Variants in DISP1 observed in about 807,000 individuals in gnomAD.
The protein encoded by DISP1 is protein dispatched homolog 1.
Under a neutral mutation model 37.3 loss-of-function variants are expected in DISP1, and 30 were observed. That is an observed-to-expected ratio of 0.80 (90% CI 0.60 to 1.09). DISP1 has a LOEUF of 1.09. Ranked by LOEUF, DISP1 falls within the 50% of genes least tolerant of loss-of-function variation. The probability of loss-of-function intolerance (pLI) is 0.00; values close to 1 mark genes in which losing one functional copy is unlikely to be tolerated. For missense variants in DISP1, 1,598 were observed against 1,879.5 expected, an observed-to-expected ratio of 0.85 and a Z score of 2.77; for synonymous variants, 634 against 690.2, an observed-to-expected ratio of 0.92 and a Z score of 1.28.
chr1:222,927,172 C>T lies in DISP1; in HGVS notation c.-158-1258C>T, dbSNP rs76484049. Among the ~76,000 whole-genome samples the T allele has an allele frequency of 2.1e-4, 31 of 149,724 alleles. 2 individuals carry two copies. The East Asian group carries it at 6.1e-3, about 29-fold the overall frequency. On this transcript the variant is annotated intron_variant, in intron 1 of 8. Transcript: ENST00000675850. ...TTCCCGCTAGCAGTGTTTAAGGATT[C>T]CAATTTCTCCATGTCCTTGACAACA...
intron 1 of DISP1, among the ~76,000 whole-genome samples, chr1:222,849,162 A>G (rs1464461964): frequency 6.6e-6 from 1 of 152,196 alleles, no homozygotes; most frequent in East Asian, 1.9e-4. Context: ...GACTACCATC[A>G]GGTAGTTAAT....
chr1:222,903,636 C>T (rs770490581), intron 1 of DISP1, among the ~76,000 whole-genome samples: 1 of 152,008 alleles, frequency 6.6e-6, no homozygotes, highest in Non-Finnish European at 1.5e-5. Flanking sequence ...TGCAGACTGT[C>T]TTTAAAGAGC....
chr1:222,827,004 C>T (rs1325322683), intron 1 of DISP1, among the ~76,000 whole-genome samples: 1 of 152,108 alleles, frequency 6.6e-6, no homozygotes. Context: ...TTTTCCATTT[C>T]TATTCTAATA....
intron 3 of DISP1, among the ~76,000 whole-genome samples, chr1:222,974,966 C>G (rs1467994074): frequency 6.6e-6 from 1 of 152,162 alleles, no homozygotes; most frequent in Non-Finnish European, 1.5e-5. Context: ...TAGCCTTTCA[C>G]AGAAAGACAG....
intron 1 of DISP1, among the ~76,000 whole-genome samples, chr1:222,824,393 C>T (rs1345719365): frequency 1.3e-5 from 2 of 152,040 alleles, no homozygotes; most frequent in Non-Finnish European, 2.9e-5. Flanking sequence ...GCTTGTGCTA[C>T]CTGTAAATGG....
intron 8 of DISP1, among the ~76,000 whole-genome samples, chr1:222,995,982 G>A (rs890224254): frequency 6.6e-6 from 1 of 152,118 alleles, no homozygotes; most frequent in African/African-American, 2.4e-5. Context: ...TCTTAACCAG[G>A]TAACCTAGTT....
intron 1 of DISP1, among the ~76,000 whole-genome samples, chr1:222,904,285 G>A (rs1671776181): frequency 6.6e-6 from 1 of 152,124 alleles, no homozygotes. Flanking sequence ...ATATTTGTGT[G>A]AGCTTCCTAA....
At chr1:222,935,934 A>T (rs1373035862) in intron 2 of DISP1, among the ~76,000 whole-genome samples, 1 of 152,194 alleles carries the variant, frequency 6.6e-6, no homozygotes, top group Non-Finnish European at 1.5e-5. Flanking sequence ...TGTGCCACAT[A>T]AAGACATTTT....
intron 4 of DISP1, among the ~76,000 whole-genome samples, chr1:222,987,673 T>C (rs1678377691): frequency 6.6e-6 from 1 of 152,240 alleles, no homozygotes; most frequent in Admixed American, 6.5e-5. Flanking sequence ...AGTTATTATA[T>C]GGGTTAATTA....
At chr1:222,929,856 T>C (rs1402821286) in intron 2 of DISP1, among the ~76,000 whole-genome samples, 1 of 152,164 alleles carries the variant, frequency 6.6e-6, no homozygotes, top group Non-Finnish European at 1.5e-5. Context: ...TTTTACTTTA[T>C]TTAGGACTTT....
chr1:222,911,480 A>G (rs1672206468), intron 1 of DISP1, among the ~76,000 whole-genome samples: 1 of 152,046 alleles, frequency 6.6e-6, no homozygotes, highest in Non-Finnish European at 1.5e-5. Flanking sequence ...TCTTTTACAG[A>G]TGGAAGAAAT....
chr1:222,870,121 AC>A (rs1451398943), intron 1 of DISP1, among the ~76,000 whole-genome samples: 3 of 152,100 alleles, frequency 2.0e-5, no homozygotes, highest in Admixed American at 6.6e-5. Flanking sequence ...ACATGAACTC[AC>A]CATTTGTTAT....
chr1:222,907,013 C>A (rs1344873276), intron 1 of DISP1, among the ~76,000 whole-genome samples: 1 of 152,128 alleles, frequency 6.6e-6, no homozygotes, highest in Admixed American at 6.5e-5. Context: ...AGCATGGTGA[C>A]TAACACATAG....
chr1:222,880,097 A>C (rs1199575350), intron 1 of DISP1, among the ~76,000 whole-genome samples: 2 of 152,188 alleles, frequency 1.3e-5, no homozygotes, highest in African/African-American at 4.8e-5. Flanking sequence ...AAAATGTTTA[A>C]TCGTAGGGGG....
intron 8 of DISP1, among the ~76,000 whole-genome samples, chr1:222,996,464 A>G (rs2102767272): frequency 6.6e-6 from 1 of 152,324 alleles, no homozygotes; most frequent in East Asian, 1.9e-4. Flanking sequence ...ACCTTGGATG[A>G]GTACAGTTCA....
At chr1:222,964,476 T>C (rs1468263578) in intron 3 of DISP1, among the ~76,000 whole-genome samples, 8 of 152,168 alleles carry the variant, frequency 5.3e-5, no homozygotes, top group Non-Finnish European at 8.8e-5. Flanking sequence ...TTTTTTCGTT[T>C]CAGTAATAGC....
chr1:222,973,001 A>C (rs568263842), intron 3 of DISP1, among the ~76,000 whole-genome samples: 1 of 152,316 alleles, frequency 6.6e-6, no homozygotes, highest in East Asian at 1.9e-4. Flanking sequence ...TTAAACTGGC[A>C]GTGAATTAAA....
chr1:222,992,046 T>A lies in DISP1; in HGVS notation c.825T>A (p.Tyr275Ter). The change falls in exon 7 of 9, where the codon TAT becomes TAA. Residue 275 changes from tyrosine (Y) to a stop codon, truncating the protein, a stop_gained. Transcript: ENST00000675850. LOFTEE classifies it high-confidence loss of function. ...ATGATAGATGGTCAGATGATCATTA[T>A]GAAAGAGAGAAAAGAGAAGTTGACT... ...HRDDRWSDDH[Y>*]EREKREVDWN... The A allele has an allele frequency of 1.2e-6, 2 of 1,614,004 alleles. No homozygotes were observed. The highest frequency in any genetic ancestry group is 1.7e-6 in the Non-Finnish European group (2 of 1,179,908).
chr1:222,896,976 G>A (rs373805553), intron 1 of DISP1, among the ~76,000 whole-genome samples: 1 of 152,208 alleles, frequency 6.6e-6, no homozygotes, highest in African/African-American at 2.4e-5. Context: ...TAGTAAACAT[G>A]CATGTACCTT....
Sources: allele counts gnomAD v4.1 joint callset (sites outside exome capture counted in the v4.1 genomes callset), GRCh38; gene constraint gnomAD v4.1.1; transcripts MANE v1.5; gene names NCBI Gene and HGNC (gene_info 2026-07-23, HGNC 2026-07-21).